Variants in ZFPL1 observed in about 807,000 individuals in gnomAD.
The protein encoded by ZFPL1 is zinc finger protein-like 1.
A neutral mutation model predicts 32.0 loss-of-function variants in ZFPL1; 28 were observed. The ratio of observed to expected loss-of-function variants is 0.87; its 90% confidence interval spans 0.65 to 1.20. The LOEUF is 1.20. Among genes scored for constraint, ZFPL1 ranks in the 50% most tolerant of loss-of-function variants. ZFPL1 has a pLI of 0.00. For missense variants in ZFPL1, 386 were observed against 424.8 expected (o/e 0.91, Z 0.80); for synonymous variants, 165 against 177.0 (o/e 0.93, Z 0.54).
At position 65,085,236 on chromosome 11, in the gene ZFPL1, T is replaced by C; in HGVS notation, c.214+10T>C. 1 of 1,613,306 alleles carries C rather than the reference T, an allele frequency of 6.2e-7. No individual in the cohort carries two copies. The highest frequency in any genetic ancestry group is 8.5e-7 in the Non-Finnish European group (1 of 1,179,404). ...CGCCTTGTCTGCTATGGTGAGGCCT[T>C]GGCACCTCGGGGGGATCAGGCCAGC... On this transcript the variant is annotated intron_variant, in intron 3 of 7. Coordinates refer to ENST00000294258, the MANE Select transcript of ZFPL1 (RefSeq NM_006782.4).
At chr11:65,084,578 T>C in intron 1 of ZFPL1, 113 bp from the exon 2 acceptor site, 1 of 834,378 alleles carries the variant, frequency 1.2e-6, no homozygotes. Flanking sequence ...GAATCTGAGA[T>C]CGGGGCGAAT....
intron 3 of ZFPL1, 87 bp from the exon 4 acceptor site, chr11:65,086,328 T>C: frequency 1.3e-6 from 2 of 1,519,052 alleles, no homozygotes; most frequent in Non-Finnish European, 9.1e-7. Context: ...CCATATGTCC[T>C]GCAATGGTCT....
At chr11:65,087,147 G>C in intron 6 of ZFPL1, 73 bp downstream of exon 6, 1 of 1,572,704 alleles carries the variant, frequency 6.4e-7, no homozygotes, top group Non-Finnish European at 8.7e-7. Context: ...GGGAGCTTGA[G>C]GATCCAGAGA....
At chr11:65,085,988 CACTTGT>C in intron 3 of ZFPL1, 38 of 216,096 alleles carry the variant, frequency 1.8e-4, no homozygotes, top group South Asian at 6.5e-4. Context: ...TAGGGAATGC[CACTTGT>C]GTTTGATTAT....
At chr11:65,086,311 CAT>C (rs147104876) in intron 3 of ZFPL1, 102 bp from the exon 4 acceptor site, 31,630 of 1,390,162 alleles carry the variant, frequency 0.023, 455 homozygotes, top group African/African-American at 0.059. Flanking sequence ...GGCACACACA[CAT>C]GTGTCCATAT....
chr11:65,086,391 C>T (rs1373919409), intron 3 of ZFPL1, 24 bp from the exon 4 acceptor site: 1 of 1,613,934 alleles, frequency 6.2e-7, no homozygotes, highest in East Asian at 2.2e-5. Context: ...CATGTCTCTT[C>T]TCCCCTGTCT....
intron 3 of ZFPL1, 84 bp downstream of exon 3, chr11:65,085,310 GGACAGT>G (rs1947665703): frequency 8.3e-7 from 1 of 1,202,140 alleles, no homozygotes. Context: ...TCAAGCAGCA[GGACAGT>G]GAGTCCCCCG....
intron 3 of ZFPL1, chr11:65,085,982 GAAT>G: frequency 1.1e-5 from 2 of 175,228 alleles, no homozygotes; most frequent in Non-Finnish European, 2.4e-5. Context: ...TAGATATAGG[GAAT>G]GCCACTTGTG....
intron 3 of ZFPL1, chr11:65,085,999 G>GC: frequency 2.2e-4 from 44 of 197,592 alleles, no homozygotes; most frequent in South Asian, 8.7e-4. Context: ...ACTTGTGTTT[G>GC]ATTATGTGCT....
At chr11:65,087,534 C>A in intron 7 of ZFPL1, 101 bp downstream of exon 7, 1 of 1,142,390 alleles carries the variant, frequency 8.8e-7, no homozygotes, top group Non-Finnish European at 1.3e-6. Flanking sequence ...GGGGCTTGTT[C>A]TGGGGAGTAA....
rs1947650711 is a variant in ZFPL1, at chr11:65,084,500, T to C, written c.-9+122T>C. 6.8e-6 allele frequency: 4 copies of C among 588,068 alleles called. No homozygotes were observed. The East Asian group carries it at 8.9e-5, about 13-fold the overall frequency. 36.4% of individuals were successfully genotyped at this position (588,068 alleles called of 1,614,324 possible). A position where few individuals can be genotyped will look rare whatever the true frequency, so the allele number is the denominator to read the frequency against. On this transcript the variant is annotated intron_variant, in intron 1 of 7. Transcript: ENST00000294258. The stretch of plus-strand genomic sequence containing the variant: ...TGGCCGGGGGCGGGATCCAGAAGGA[T>C]TGAGGGGTCGCCGGAGGCGGGATTT...
At chr11:65,085,988 CA>C in intron 3 of ZFPL1, 1 of 216,206 alleles carries the variant, frequency 4.6e-6, no homozygotes, top group Non-Finnish European at 9.3e-6. Context: ...TAGGGAATGC[CA>C]CTTGTGTTTG....
chr11:65,085,079 C>T, intron 2 of ZFPL1, 36 bp from the exon 3 acceptor site: 1 of 1,599,294 alleles, frequency 6.3e-7, no homozygotes, highest in South Asian at 1.1e-5. Context: ...GCCGAGCAGC[C>T]CCAGCACCAG....
chr11:65,085,009 G>A (rs1424129376), intron 2 of ZFPL1, 106 bp from the exon 3 acceptor site: 18 of 1,196,042 alleles, frequency 1.5e-5, no homozygotes, highest in Non-Finnish European at 1.6e-5. Context: ...TTAAACAAAC[G>A]AAAGGATGAG....
chr11:65,084,236 G>T lies in ZFPL1; in HGVS notation c.-151G>T. On this transcript the variant is annotated 5_prime_UTR_variant, in exon 1 of 8. Transcript: ENST00000294258. ...CCGCACCCGGAAGAGACGTGGCAGC[G>T]GAGGGATAATCGGGGCGGCCGGGGC... is the stretch of plus-strand genomic sequence containing the variant. The T allele has an allele frequency of 1.7e-6, 1 of 582,482 alleles. No individual in the cohort carries two copies. The highest frequency in any genetic ancestry group is 3.2e-5 in the Admixed American group (1 of 31,462). The allele number at this position is 582,482 out of a possible 1,614,324, so 36.1% of individuals were successfully genotyped here.
At chr11:65,085,729 C>T (rs1947671275) in intron 3 of ZFPL1, 1 of 222,372 alleles carries the variant, frequency 4.5e-6, no homozygotes, top group Admixed American at 5.2e-5. Context: ...GAGTCAGCTC[C>T]ATATGTGTTT....
chr11:65,084,318 A>G lies in ZFPL1; in HGVS notation c.-69A>G. 4 of 501,824 alleles carry G rather than the reference A, an allele frequency of 8.0e-6. No homozygotes were observed. The South Asian group carries it at 9.0e-5, about 11-fold the overall frequency. 31.1% of individuals were successfully genotyped at this position (501,824 alleles called of 1,614,324 possible). A position where few individuals can be genotyped will look rare whatever the true frequency, so the allele number is the denominator to read the frequency against. The stretch of plus-strand genomic sequence containing the variant: ...GTGGTCCCTGCCCTTCCGCGCCTCG[A>G]GCCATCGCTACCGCCCTTCGGAACC... On this transcript the variant is annotated 5_prime_UTR_variant, in exon 1 of 8. Coordinates refer to ENST00000294258, the MANE Select transcript of ZFPL1 (RefSeq NM_006782.4).
intron 1 of ZFPL1, 143 bp from the exon 2 acceptor site, chr11:65,084,548 T>C: frequency 1.5e-6 from 1 of 687,598 alleles, no homozygotes. Context: ...TTTCTCCGCA[T>C]AAGGAGGGAC....
chr11:65,088,081 C>T lies in ZFPL1; in HGVS notation c.900C>T (p.Leu300=). ...AADSDPNLDP[L]MNPHIRVGPS is the part of the protein sequence containing the mutation. ...ACAGCGATCCCAACCTGGACCCACT[C>T]ATGAACCCTCACATCCGCGTGGGCC... The change falls in exon 8 of 8, where the codon CTC becomes CTT. Residue 300 remains leucine (L), a synonymous_variant. Coordinates refer to ENST00000294258, the MANE Select transcript of ZFPL1 (RefSeq NM_006782.4). The T allele has an allele frequency of 6.2e-7, 1 of 1,611,614 alleles. No individual in the cohort carries two copies. Among genetic ancestry groups the T allele is most frequent in the Non-Finnish European group, 8.5e-7 (1 of 1,179,676 alleles).
Sources: allele counts gnomAD v4.1 joint callset, GRCh38; gene constraint gnomAD v4.1.1; transcripts MANE v1.5; gene names NCBI Gene and HGNC (gene_info 2026-07-23, HGNC 2026-07-21).